Variants in DIS3L2 observed in about 807,000 individuals in gnomAD.
The protein encoded by DIS3L2 is DIS3-like exonuclease 2.
DIS3L2 carries 34 observed loss-of-function variants against 97.5 expected under a neutral mutation model. That is an observed-to-expected ratio of 0.35 (90% confidence interval 0.27 to 0.46). The LOEUF (loss-of-function observed/expected upper bound fraction) is 0.46, where lower values mean the gene tolerates loss of function less well. Among genes scored for constraint, DIS3L2 ranks in the 20% least tolerant of loss-of-function variants. The pLI is 1.00. For synonymous variants in DIS3L2, 435 were observed against 445.2 expected, an observed-to-expected ratio of 0.98 and a Z score of 0.29; for missense variants, 1,038 against 1,146.0, an observed-to-expected ratio of 0.91 and a Z score of 1.36.
chr2:232,330,017 G>C, intron 15 of DIS3L2, 21 bp downstream of exon 15: 1 of 1,590,634 alleles, frequency 6.3e-7, no homozygotes, highest in East Asian at 2.3e-5. Context: ...GGCAGGATTC[G>C]GGGGAGGCCC....
Position 232,263,334 on chromosome 2 carries a change from C to T in DIS3L2, c.1553C>T (p.Pro518Leu), listed in dbSNP as rs1476278730. ...IPAKELPPIS[P>L]EHSSEEVHQA... ...GCGAAAGAGCTGCCCCCCATTTCCC[C>T]AGAGCATAGCAGCGAGGAGGTACAC... The change falls in exon 13 of 21, where the codon CCA becomes CTA. Residue 518 changes from proline to leucine, a missense_variant. Pro to Leu is a moderately conservative substitution (Grantham distance 98). This residue lies in a region of DIS3L2 where 813 missense variants were observed against 880.1 expected (regional missense o/e 0.92). Coordinates refer to ENST00000325385, the MANE Select transcript of DIS3L2 (RefSeq NM_152383.5). 6.2e-7 allele frequency: 1 copy of T among 1,614,182 alleles called. No homozygotes were observed. Among genetic ancestry groups the T allele is most frequent in the African/African-American group, 1.3e-5 (1 of 75,044 alleles).
intron 1 of DIS3L2, among the ~76,000 whole-genome samples, chr2:231,968,083 A>G (rs1186123422): frequency 1.3e-5 from 2 of 150,186 alleles, no homozygotes; most frequent in East Asian, 1.9e-4. Flanking sequence ...CCTGATCCCT[A>G]TCCCAGATAA....
At chr2:232,305,985 G>A (rs12466785) in intron 14 of DIS3L2, among the ~76,000 whole-genome samples, 20,001 of 152,086 alleles carry the variant, frequency 0.13, 2,193 homozygotes, top group African/African-American at 0.3. Context: ...ATCTTAAGTA[G>A]GGATTGTGTT....
chr2:232,238,430 T>A (rs1344984181), intron 10 of DIS3L2, 103 bp from the exon 11 acceptor site: 5 of 888,184 alleles, frequency 5.6e-6, no homozygotes, highest in African/African-American at 1.7e-5. Flanking sequence ...TAACTGCAGG[T>A]CCTGTGGCCT....
At chr2:232,267,549 A>T (rs555836817) in intron 13 of DIS3L2, among the ~76,000 whole-genome samples, 6 of 152,290 alleles carry the variant, frequency 3.9e-5, no homozygotes, top group Admixed American at 2.6e-4. Context: ...TTTATAACAT[A>T]TGTCTCTCAT....
At chr2:232,248,748 G>A (rs902666193) in intron 11 of DIS3L2, among the ~76,000 whole-genome samples, 10 of 152,152 alleles carry the variant, frequency 6.6e-5, no homozygotes. Flanking sequence ...TATTGAAGTA[G>A]TCTCTTAATG....
At chr2:232,115,221 A>G (rs1161142414) in intron 6 of DIS3L2, among the ~76,000 whole-genome samples, 1 of 152,152 alleles carries the variant, frequency 6.6e-6, no homozygotes, top group Non-Finnish European at 1.5e-5. Context: ...AGCAGGAAGT[A>G]AGAAGAAAGG....
At chr2:232,330,272 T>C (rs2106348571) in intron 15 of DIS3L2, among the ~76,000 whole-genome samples, 1 of 152,320 alleles carries the variant, frequency 6.6e-6, no homozygotes, top group South Asian at 2.1e-4. Flanking sequence ...GGGCTGGTCT[T>C]GGGCCCAGAG....
intron 11 of DIS3L2, among the ~76,000 whole-genome samples, chr2:232,241,485 G>A (rs566477033): frequency 5.9e-5 from 9 of 152,250 alleles, no homozygotes; most frequent in Non-Finnish European, 1.0e-4. Context: ...AGTATACAGT[G>A]TAACAGGTCT....
chr2:232,164,376 C>G (rs1403127596), intron 9 of DIS3L2, among the ~76,000 whole-genome samples: 1 of 152,138 alleles, frequency 6.6e-6, no homozygotes, highest in Non-Finnish European at 1.5e-5. Context: ...TATTTCTCTT[C>G]AGAATTTGGT....
chr2:232,051,006 G>T (rs574119428), intron 5 of DIS3L2, among the ~76,000 whole-genome samples: 2 of 152,336 alleles, frequency 1.3e-5, no homozygotes, highest in East Asian at 3.9e-4. Context: ...AAATTAAGGG[G>T]AGAGGAGAAT....
downstream of DIS3L2, chr2:232,340,896 CAA>C (rs1192300654): frequency 8.5e-6 from 4 of 471,054 alleles, no homozygotes; most frequent in South Asian, 4.6e-5. Flanking sequence ...CTTCATGAAA[CAA>C]AAAACAAGCT....
At chr2:231,995,200 G>T (rs2106195995) in intron 1 of DIS3L2, among the ~76,000 whole-genome samples, 1 of 152,214 alleles carries the variant, frequency 6.6e-6, no homozygotes, top group Middle Eastern at 3.4e-3. Context: ...AATCGTGATG[G>T]CTCTTTCCTT....
At chr2:232,234,793 C>T (rs1692888225) in intron 10 of DIS3L2, among the ~76,000 whole-genome samples, 3 of 152,198 alleles carry the variant, frequency 2.0e-5, no homozygotes, top group South Asian at 2.1e-4. Context: ...CCGAGAGCTC[C>T]TTAAATGGAT....
downstream of DIS3L2, chr2:232,341,118 G>A (rs550354013): frequency 1.0e-3 from 378 of 367,198 alleles, no homozygotes; most frequent in Non-Finnish European, 1.6e-3. Flanking sequence ...GCAGACAGGT[G>A]AGCTCTCAAC....
chr2:232,335,486 TCTGTCCCCACCTCAGTGCAGTCAGCC>T (rs1447802254), intron 19 of DIS3L2: 2 of 419,790 alleles, frequency 4.8e-6, no homozygotes, highest in African/African-American at 4.1e-5. Context: ...GCCACAGTTC[TCTGTCCCCACCTCAGTGCAGTCAGCC>T]CTGGACCCCC....
chr2:232,135,100 T>A (rs1163288682), intron 7 of DIS3L2, among the ~76,000 whole-genome samples: 1 of 151,948 alleles, frequency 6.6e-6, no homozygotes, highest in South Asian at 2.1e-4. Context: ...GGTGTGGCCA[T>A]GAGGACAAGT....
At chr2:231,976,684 ATAGCT>A (rs901278810) in intron 1 of DIS3L2, among the ~76,000 whole-genome samples, 4 of 151,634 alleles carry the variant, frequency 2.6e-5, no homozygotes, top group Non-Finnish European at 5.9e-5. Flanking sequence ...ACTGAACATC[ATAGCT>A]TAGCTTAGCT....
rs113862652 is a variant in DIS3L2, at chr2:232,211,371, C to T, written c.1204+966C>T. ...ATGTTGTCCAGGCTGGTCTTGAACTCCTGGGCTCAAGTGATCCATCCACCT... is the reference window on the plus strand; with the variant it reads ...ATGTTGTCCAGGCTGGTCTTGAACTTCTGGGCTCAAGTGATCCATCCACCT... On this transcript the variant is annotated intron_variant, in intron 10 of 20. Coordinates refer to ENST00000325385, the MANE Select transcript of DIS3L2 (RefSeq NM_152383.5). Among the ~76,000 whole-genome samples the T allele has an allele frequency of 3.6e-3, 550 of 152,288 alleles. 6 individuals are homozygous for T. The highest frequency in any genetic ancestry group is 0.012 in the African/African-American group (503 of 41,566).
Sources: allele counts gnomAD v4.1 joint callset (sites outside exome capture counted in the v4.1 genomes callset), GRCh38; gene constraint gnomAD v4.1.1; regional missense constraint gnomAD v4.1.1; transcripts MANE v1.5; gene names NCBI Gene and HGNC (gene_info 2026-07-23, HGNC 2026-07-21).